The following PTPRM variants were observed in gnomAD, a reference collection of about 807,000 sequenced individuals.
The protein encoded by PTPRM is receptor-type tyrosine-protein phosphatase mu.
In PTPRM, 47 loss-of-function variants were observed where a neutral mutation model predicts 186.7. The ratio of observed to expected loss-of-function variants is 0.25; its 90% CI spans 0.20 to 0.32. The LOEUF is 0.32. Among genes scored for constraint, PTPRM ranks in the 10% least tolerant of loss-of-function variants. The pLI, the probability that PTPRM is intolerant of heterozygous loss-of-function variation, is 1.00. For missense variants in PTPRM, 1,494 were observed against 1,865.0 expected (o/e 0.80, Z 3.66); for synonymous variants, 668 against 674.9 (o/e 0.99, Z 0.16).
At chr18:8,225,543 A>G (rs1295175704) in intron 14 of PTPRM, among the ~76,000 whole-genome samples, 1 of 152,114 alleles carries the variant, frequency 6.6e-6, no homozygotes, top group Non-Finnish European at 1.5e-5. Context: ...GCATTTAGAG[A>G]CCACAATCTG....
chr18:8,028,619 G>T (rs187011774), intron 7 of PTPRM, among the ~76,000 whole-genome samples: 1 of 152,126 alleles, frequency 6.6e-6, no homozygotes, highest in Non-Finnish European at 1.5e-5. Context: ...CCCAGAGCCC[G>T]ACTTAGCAGT....
intron 1 of PTPRM, among the ~76,000 whole-genome samples, chr18:7,579,744 A>G (rs551569278): frequency 6.6e-6 from 1 of 152,330 alleles, no homozygotes; most frequent in South Asian, 2.1e-4. Flanking sequence ...CATTCAGGGA[A>G]GATCATGAGA....
intron 1 of PTPRM, among the ~76,000 whole-genome samples, chr18:7,771,742 T>G (rs2042278783): frequency 6.6e-6 from 1 of 152,224 alleles, no homozygotes; most frequent in African/African-American, 2.4e-5. Context: ...TGTTTAACAT[T>G]GTTTATCAGA....
At chr18:8,351,988 A>G (rs656568) in intron 23 of PTPRM, among the ~76,000 whole-genome samples, 120,850 of 152,098 alleles carry the variant, frequency 0.79, 49,448 homozygotes, top group Middle Eastern at 0.94. Flanking sequence ...CAAAGAGCTC[A>G]ATTTGTCATG....
intron 2 of PTPRM, among the ~76,000 whole-genome samples, chr18:7,774,557 AAGATTG>A (rs1265237179): frequency 6.6e-6 from 1 of 152,206 alleles, no homozygotes; most frequent in Non-Finnish European, 1.5e-5. Flanking sequence ...ATATGAGAAA[AAGATTG>A]AGATCTCTTC....
At chr18:8,262,548 C>G (rs969032418) in intron 19 of PTPRM, among the ~76,000 whole-genome samples, 3 of 152,272 alleles carry the variant, frequency 2.0e-5, no homozygotes, top group Non-Finnish European at 2.9e-5. Flanking sequence ...GTGGCCTCTG[C>G]CTGGCCGTGA....
At position 8,244,171 on chromosome 18, in the gene PTPRM, C is replaced by A; in HGVS notation, c.2414C>A (p.Ala805Asp). ...YAEQGTNCDEAFSFMDTHNLN... is the reference protein window; with the variant it reads ...YAEQGTNCDEDFSFMDTHNLN... ...GAGCAGGGCACAAACTGCGACGAGG[C>A]TTTCTCATTCATGGACACGCACAAT... Residue 805 changes from alanine (A) to aspartate (D), a missense_variant, in exon 15 of 33, where the codon GCT (alanine) becomes GAT (aspartate). Transcript: ENST00000580170. The A allele has an allele frequency of 6.3e-7, 1 of 1,594,486 alleles. No homozygotes were observed. The highest frequency in any genetic ancestry group is 2.3e-5 in the East Asian group (1 of 43,562).
At chr18:7,999,565 GAC>G (rs1326671976) in intron 7 of PTPRM, among the ~76,000 whole-genome samples, 2 of 151,940 alleles carry the variant, frequency 1.3e-5, no homozygotes, top group Non-Finnish European at 2.9e-5. Flanking sequence ...CAGTACTGAT[GAC>G]AGTTTGCAGG....
intron 2 of PTPRM, among the ~76,000 whole-genome samples, chr18:7,878,773 C>G (rs562293959): frequency 6.6e-6 from 1 of 152,104 alleles, no homozygotes; most frequent in South Asian, 2.1e-4. Context: ...GTTTCTGAAT[C>G]AACACTAATT....
In PTPRM at chr18:8,041,357, G is replaced by C. The variant is rs149709464; in HGVS notation, c.1133-28329G>C. Among the ~76,000 whole-genome samples, 656 of 152,094 alleles carry C rather than the reference G, an allele frequency of 4.3e-3. 5 individuals are homozygous for C. The highest frequency in any genetic ancestry group is 0.015 in the African/African-American group (625 of 41,460). On this transcript the variant is annotated intron_variant, in intron 7 of 32. Coordinates refer to ENST00000580170, the MANE Select transcript of PTPRM (RefSeq NM_001105244.2). ...CATTTTACTCTTTCAGCTCCTTGGT[G>C]GTATATAGACACACACTTGACATTT... is the stretch of plus-strand genomic sequence containing the variant.
intron 4 of PTPRM, among the ~76,000 whole-genome samples, chr18:7,908,737 C>T (rs923246277): frequency 6.6e-6 from 1 of 152,182 alleles, no homozygotes; most frequent in Non-Finnish European, 1.5e-5. Context: ...CCTCCCATTT[C>T]ATGAAAAGAC....
chr18:8,124,908 A>G (rs1272105356), intron 13 of PTPRM, among the ~76,000 whole-genome samples: 1 of 152,132 alleles, frequency 6.6e-6, no homozygotes, highest in East Asian at 1.9e-4. Context: ...TTGATGCTAT[A>G]CTTGCACTGG....
intron 31 of PTPRM, among the ~76,000 whole-genome samples, chr18:8,387,793 A>G (rs1326785366): frequency 1.3e-5 from 2 of 151,880 alleles, no homozygotes; most frequent in Non-Finnish European, 2.9e-5. Flanking sequence ...TTTTGGGAGA[A>G]TGTGTATATT....
chr18:8,308,111 A>G (rs890522020), intron 20 of PTPRM, among the ~76,000 whole-genome samples: 2 of 152,220 alleles, frequency 1.3e-5, no homozygotes, highest in Non-Finnish European at 2.9e-5. Flanking sequence ...TTAAAAGAAA[A>G]ACTTTAGACA....
intron 7 of PTPRM, among the ~76,000 whole-genome samples, chr18:8,015,163 A>G (rs1199423704): frequency 1.3e-5 from 2 of 152,172 alleles, no homozygotes; most frequent in African/African-American, 4.8e-5. Flanking sequence ...CAGATTCTCC[A>G]TCACCAACCC....
chr18:7,759,199 A>G (rs2144727275), intron 1 of PTPRM, among the ~76,000 whole-genome samples: 1 of 152,326 alleles, frequency 6.6e-6, no homozygotes, highest in East Asian at 1.9e-4. Flanking sequence ...TCGATGCACA[A>G]GTGTTTATTC....
chr18:8,021,827 C>G (rs541387954), intron 7 of PTPRM, among the ~76,000 whole-genome samples: 53 of 152,248 alleles, frequency 3.5e-4, no homozygotes, highest in Middle Eastern at 6.8e-3. Flanking sequence ...AAGCAATCCT[C>G]CTGTCTCAGC....
intron 14 of PTPRM, among the ~76,000 whole-genome samples, chr18:8,174,112 T>C (rs2093447391): frequency 6.6e-6 from 1 of 151,988 alleles, no homozygotes; most frequent in African/African-American, 2.4e-5. Context: ...AGTGGTGTTA[T>C]CCACAGGAGT....
intron 23 of PTPRM, among the ~76,000 whole-genome samples, chr18:8,361,936 CGT>C (rs996375401): frequency 1.3e-4 from 20 of 152,252 alleles, no homozygotes; most frequent in Middle Eastern, 3.4e-3. Context: ...AAAAGAATAT[CGT>C]GTGTGTGTTT....
Sources: allele counts gnomAD v4.1 joint callset (sites outside exome capture counted in the v4.1 genomes callset), GRCh38; gene constraint gnomAD v4.1.1; transcripts MANE v1.5; gene names NCBI Gene and HGNC (gene_info 2026-07-23, HGNC 2026-07-21).